PIK3CD: variants seen among roughly 807,000 people sequenced by gnomAD.
The protein encoded by PIK3CD is phosphatidylinositol-4,5-bisphosphate 3-kinase catalytic subunit delta.
PIK3CD carries 20 observed loss-of-function variants against 122.9 expected under a neutral mutation model. The ratio of observed to expected loss-of-function variants is 0.16; its 90% CI spans 0.11 to 0.24. The LOEUF (loss-of-function observed/expected upper bound fraction) is 0.24, where lower values mean the gene tolerates loss of function less well. Ranked by LOEUF, PIK3CD falls within the 10% of genes least tolerant of loss-of-function variation. The probability of loss-of-function intolerance (pLI) is 1.00; values close to 1 mark genes in which losing one functional copy is unlikely to be tolerated. For missense variants in PIK3CD, 787 were observed against 1,406.3 expected, an observed-to-expected ratio of 0.56 and a Z score of 7.04; for synonymous variants, 596 against 593.4, an observed-to-expected ratio of 1.00 and a Z score of -0.06.
Position 9,722,861 on chromosome 1 carries a change from A to G in PIK3CD, c.2426+255A>G, listed in dbSNP as rs1487174243. Among the ~76,000 whole-genome samples, 1 of 152,144 alleles carries G rather than the reference A, an allele frequency of 6.6e-6. No homozygotes were observed. The highest frequency in any genetic ancestry group is 6.5e-5 in the Admixed American group (1 of 15,276). ...CAGGTGCCCCTGGCTTCCCCAGCCCATCTTGGGAAGCAGTGGCGTCTTCTC... is the reference window on the plus strand; with the variant it reads ...CAGGTGCCCCTGGCTTCCCCAGCCCGTCTTGGGAAGCAGTGGCGTCTTCTC... On this transcript the variant is annotated intron_variant, in intron 19 of 23. Coordinates refer to ENST00000377346, the MANE Select transcript of PIK3CD (RefSeq NM_005026.5). This position sits in a 1 kb window ranked among gnomAD's most constrained non-coding sequence, Gnocchi z 7.6.
rs79235049 is a variant in PIK3CD, at chr1:9,693,728, G to A, written c.-33+2157G>A. On this transcript the variant is annotated intron_variant, in intron 2 of 23. Coordinates refer to ENST00000377346, the MANE Select transcript of PIK3CD (RefSeq NM_005026.5). The stretch of plus-strand genomic sequence containing the variant: ...CTAGAAAAGTAAATGGTTGAGGAGG[G>A]TGGTATGAACAAAACCTTTGCAGGA... Among the ~76,000 whole-genome samples the A allele has an allele frequency of 9.5e-3, 1,446 of 152,132 alleles. 22 individuals carry two copies. The highest frequency in any genetic ancestry group is 0.032 in the African/African-American group (1,339 of 41,498).
chr1:9,684,532 G>A (rs575435515), intron 1 of PIK3CD, among the ~76,000 whole-genome samples: 5 of 139,666 alleles, frequency 3.6e-5, no homozygotes, highest in South Asian at 2.2e-4. Flanking sequence ...GAGAGACTCC[G>A]TCTCAAAAAA....
At chr1:9,633,006 T>C in the PIK3CD span, among the ~76,000 whole-genome samples, 3 of 151,600 alleles carry the variant, frequency 2.0e-5, no homozygotes, top group African/African-American at 7.3e-5. Context: ...AGACTACAGG[T>C]GCCTGCAACC....
chr1:9,719,788 G>T lies in PIK3CD; in HGVS notation c.1243-133G>T, dbSNP rs759762858. 1.0e-5 allele frequency: 8 copies of T among 789,928 alleles called. No homozygotes were observed. The highest frequency in any genetic ancestry group is 4.2e-5 in the South Asian group (3 of 72,164). 48.9% of individuals were successfully genotyped at this position (789,928 alleles called of 1,614,324 possible). On this transcript the variant is annotated intron_variant, in intron 9 of 23. Coordinates refer to ENST00000377346, the MANE Select transcript of PIK3CD (RefSeq NM_005026.5). The surrounding 1 kb of genome is among the most constrained non-coding windows in gnomAD (Gnocchi z 5.5). ...CGGCTCCTCTCCTTCCCCAAGCAGG[G>T]TCTCCCAGGGGTCTGGTTGGGAGAT...
At position 9,674,810 on chromosome 1, in the gene PIK3CD, T is replaced by C. The variant is rs561840634; in HGVS notation, c.-137-16657T>C. ...ACTTTGGAAGGCTGAGGTGGGCAGA[T>C]TGCTTGAACTCAGGAGTTTGAGACT... On this transcript the variant is annotated intron_variant, in intron 1 of 23. Transcript: ENST00000377346. Among the ~76,000 whole-genome samples, 77 of 151,698 alleles carry C rather than the reference T, an allele frequency of 5.1e-4. No individual in the cohort carries two copies. The Middle Eastern group carries it at 0.01, about 20-fold the overall frequency.
At chr1:9,687,709 G>A (rs115018073) in intron 1 of PIK3CD, among the ~76,000 whole-genome samples, 8 of 152,328 alleles carry the variant, frequency 5.3e-5, no homozygotes, top group African/African-American at 1.7e-4. Flanking sequence ...TGAAGAGCGA[G>A]AGCGCGTGTA....
At chr1:9,675,705 G>A (rs1482036309) in intron 1 of PIK3CD, among the ~76,000 whole-genome samples, 9 of 39,658 alleles carry the variant, frequency 2.3e-4, no homozygotes, top group African/African-American at 6.0e-4. Context: ...CCCACCCCCC[G>A]TCCCCACCTT....
chr1:9,668,348 C>A (rs903590029), intron 1 of PIK3CD, among the ~76,000 whole-genome samples: 25 of 151,862 alleles, frequency 1.6e-4, no homozygotes, highest in African/African-American at 6.1e-4. Flanking sequence ...TGGGCCCATT[C>A]CTAGGTTTGT....
chr1:9,646,690 C>T, the PIK3CD span, among the ~76,000 whole-genome samples: 21 of 152,288 alleles, frequency 1.4e-4, no homozygotes, highest in Admixed American at 1.2e-3. Context: ...TGGTGGCTCA[C>T]GCCTGTGGTC....
chr1:9,726,663 A>G (rs1156795924), intron 23 of PIK3CD, among the ~76,000 whole-genome samples: 2 of 152,054 alleles, frequency 1.3e-5, no homozygotes, highest in Non-Finnish European at 2.9e-5. Flanking sequence ...AGCTGCTCCC[A>G]TGCTCCTCCC....
intron 1 of PIK3CD, chr1:9,654,103 C>T: frequency 8.6e-7 from 1 of 1,167,000 alleles, no homozygotes; most frequent in Non-Finnish European, 1.2e-6. Context: ...CAGTTGCCTG[C>T]TCCAGAGACA....
In PIK3CD at chr1:9,717,527, C is replaced by T. The variant is rs553438382; in HGVS notation, c.931-10C>T. The T allele has an allele frequency of 2.3e-5, 37 of 1,613,480 alleles. No individual in the cohort carries two copies. The highest frequency in any genetic ancestry group is 6.7e-5 in the East Asian group (3 of 44,886). ...AGCCGTGTTAACAGCCCTGCTTCCCCGGCCCCCAGCCTTCCTCTGTGTCCC... is the reference window on the plus strand; with the variant it reads ...AGCCGTGTTAACAGCCCTGCTTCCCTGGCCCCCAGCCTTCCTCTGTGTCCC... On this transcript the variant is annotated splice_polypyrimidine_tract_variant and intron_variant, in intron 7 of 23. Transcript: ENST00000377346. This position sits in a 1 kb window ranked among gnomAD's most constrained non-coding sequence, Gnocchi z 5.4.
chr1:9,702,851 T>C (rs1232854904), intron 2 of PIK3CD, among the ~76,000 whole-genome samples: 1 of 152,000 alleles, frequency 6.6e-6, no homozygotes, highest in Non-Finnish European at 1.5e-5. Context: ...ACTAGAAGCT[T>C]CTAAAAATGG....
chr1:9,670,913 A>G (rs1269848182), intron 1 of PIK3CD, among the ~76,000 whole-genome samples: 1 of 151,806 alleles, frequency 6.6e-6, no homozygotes, highest in Non-Finnish European at 1.5e-5. Context: ...GCCCACCACC[A>G]CACCCAGCTA....
At chr1:9,635,968 G>C in the PIK3CD span, among the ~76,000 whole-genome samples, 2 of 152,230 alleles carry the variant, frequency 1.3e-5, no homozygotes, top group African/African-American at 4.8e-5. Context: ...GCAGCAAGAG[G>C]GATTCGCTCT....
chr1:9,717,312 T>C lies in PIK3CD; in HGVS notation c.930+204T>C, dbSNP rs1003606022. The stretch of plus-strand genomic sequence containing the variant: ...GGTGGGGGGCAGCCCCATGCCTGGC[T>C]CACCGGCTGCCCTTCCCCTCTGCAG... On this transcript the variant is annotated intron_variant, in intron 7 of 23. Transcript: ENST00000377346. The surrounding 1 kb of genome is among the most constrained non-coding windows in gnomAD (Gnocchi z 5.4). Among the ~76,000 whole-genome samples the C allele has an allele frequency of 1.3e-5, 2 of 152,162 alleles. No homozygotes were observed. Among genetic ancestry groups the C allele is most frequent in the Admixed American group, 1.3e-4 (2 of 15,282 alleles).
At chr1:9,703,363 G>A (rs868819606) in intron 2 of PIK3CD, among the ~76,000 whole-genome samples, 8 of 152,188 alleles carry the variant, frequency 5.3e-5, no homozygotes, top group Admixed American at 3.9e-4. Flanking sequence ...AGGCTATCCA[G>A]GGAGCTAGGG....
chr1:9,680,987 T>G (rs960476928), intron 1 of PIK3CD: 1 of 152,076 alleles, frequency 6.6e-6, no homozygotes, highest in Admixed American at 6.6e-5. Context: ...GGGCTGGAGG[T>G]ACCTGCCACA....
At chr1:9,726,847 G>T (rs1291138421) in intron 23 of PIK3CD, 62 bp from the exon 24 acceptor site, 1 of 1,606,838 alleles carries the variant, frequency 6.2e-7, no homozygotes, top group Non-Finnish European at 8.5e-7. Context: ...CCCAGAGAGG[G>T]ACGCATCCCA....
Sources: allele counts gnomAD v4.1 joint callset (sites outside exome capture counted in the v4.1 genomes callset), GRCh38; gene constraint gnomAD v4.1.1; non-coding constraint Gnocchi (gnomAD v3.1); transcripts MANE v1.5; gene names NCBI Gene and HGNC (gene_info 2026-07-23, HGNC 2026-07-21).